Variants in CYSLTR1 observed in about 807,000 individuals in gnomAD.
CYSLTR1 encodes cysteinyl leukotriene receptor 1.
In CYSLTR1, 1 loss-of-function variant was observed where a neutral mutation model predicts 2.1. The observed-to-expected ratio is 0.48, with a 90% CI of 0.17 to 2.28. CYSLTR1 has a LOEUF of 2.28. CYSLTR1 is among the 30% of genes most tolerant of loss of function. CYSLTR1 has a pLI of 0.26. For missense variants in CYSLTR1, 299 were observed against 250.1 expected (o/e 1.20, Z -1.32); for synonymous variants, 110 against 89.6 (o/e 1.23, Z -1.28).
At chrX:78,288,359 G>T (rs190384122) in intron 1 of CYSLTR1, among the ~76,000 whole-genome samples, 20 of 112,215 alleles carry the variant, frequency 1.8e-4, no homozygotes, top group African/African-American at 6.5e-4. Context: ...CCCCAGACTG[G>T]TATCTTCTAC....
intron 2 of CYSLTR1, among the ~76,000 whole-genome samples, chrX:78,281,925 C>T (rs1010890726): frequency 1.7e-4 from 19 of 111,907 alleles, no homozygotes; most frequent in African/African-American, 4.9e-4. Context: ...TTTAGAATGC[C>T]TTCAGAATAA....
intron 2 of CYSLTR1, 127 bp from the exon 3 acceptor site, chrX:78,273,900 T>C: frequency 1.8e-6 from 1 of 546,512 alleles, no homozygotes; most frequent in Non-Finnish European, 2.8e-6. Context: ...TAGTGAGGCA[T>C]TGAGGAGGGA....
chrX:78,319,196 G>A (rs1923540526), intron 1 of CYSLTR1: 1 of 108,151 alleles, frequency 9.2e-6, no homozygotes, highest in Admixed American at 9.9e-5. Flanking sequence ...CATGTGCCAT[G>A]TTGGTGTGCT....
At chrX:78,301,679 C>T (rs1395758201) in intron 1 of CYSLTR1, among the ~76,000 whole-genome samples, 2 of 111,926 alleles carry the variant, frequency 1.8e-5, no homozygotes, top group Admixed American at 1.9e-4. Flanking sequence ...CTTTCTTCTT[C>T]TGAGCCCTCC....
chrX:78,309,740 T>C (rs1049788827), intron 1 of CYSLTR1, among the ~76,000 whole-genome samples: 6 of 111,981 alleles, frequency 5.4e-5, no homozygotes, highest in African/African-American at 1.6e-4. Flanking sequence ...TTTTATAGAA[T>C]GTTAGAGATG....
At chrX:78,283,228 G>A (rs1921911035) in intron 2 of CYSLTR1, among the ~76,000 whole-genome samples, 1 of 111,952 alleles carries the variant, frequency 8.9e-6, no homozygotes, top group Non-Finnish European at 1.9e-5. Flanking sequence ...CTGCCTTCAA[G>A]CAGCTCATTT....
intron 1 of CYSLTR1, chrX:78,319,357 A>G (rs1436381311): frequency 9.8e-6 from 1 of 102,521 alleles, no homozygotes; most frequent in African/African-American, 3.6e-5. Context: ...GAGTGAGAAC[A>G]TGCAGTGTTT....
At chrX:78,315,254 G>T (rs754220747) in intron 1 of CYSLTR1, among the ~76,000 whole-genome samples, 67 of 109,588 alleles carry the variant, frequency 6.1e-4, no homozygotes, top group Admixed American at 2.3e-3. Context: ...TGAATAAACA[G>T]AAATGATATC....
chrX:78,292,910 T>C (rs1489998812), intron 1 of CYSLTR1, among the ~76,000 whole-genome samples: 2 of 110,268 alleles, frequency 1.8e-5, no homozygotes, highest in African/African-American at 3.3e-5. Context: ...AGCATACTGA[T>C]GGGTCTTGAC....
chrX:78,310,489 T>G, intron 1 of CYSLTR1, among the ~76,000 whole-genome samples: 1 of 112,365 alleles, frequency 8.9e-6, no homozygotes, highest in South Asian at 3.6e-4. Flanking sequence ...TTAAAGGAGA[T>G]GGATTAGCCA....
In CYSLTR1 at chrX:78,298,940, TTCTTC is replaced by T. The variant is rs771949282; in HGVS notation, c.-114-15405_-114-15401del. Among the ~76,000 whole-genome samples the T allele has an allele frequency of 6.3e-5, 7 of 111,213 alleles. No individual in the cohort carries two copies. The East Asian group carries it at 1.7e-3, about 27-fold the overall frequency. On this transcript the variant is annotated intron_variant, in intron 1 of 2. Coordinates refer to ENST00000373304, the MANE Select transcript of CYSLTR1 (RefSeq NM_006639.4). ...TTATTTGTTTTCTGGTTGTTTTATA[TTCTTC>T]TCTTCCTTCTTTTTTTCTTCCCATT... is the stretch of plus-strand genomic sequence containing the variant.
In CYSLTR1 at chrX:78,317,478, G is replaced by A. The variant is rs192920576; in HGVS notation, c.-115+9827C>T. The stretch of plus-strand genomic sequence containing the variant: ...ATTTGATCCAGCAATACTACTATTG[G>A]GTTTCTACCCAAAGGAAAAGAAGTC... On this transcript the variant is annotated intron_variant, in intron 1 of 2. Transcript: ENST00000373304. Among the ~76,000 whole-genome samples, 3 of 112,066 alleles carry A rather than the reference G, an allele frequency of 2.7e-5. No individual in the cohort carries two copies. The East Asian group carries it at 8.4e-4, about 31-fold the overall frequency.
intron 1 of CYSLTR1, among the ~76,000 whole-genome samples, chrX:78,311,099 AAT>A (rs1257590321): frequency 9.0e-6 from 1 of 110,837 alleles, no homozygotes; most frequent in African/African-American, 3.3e-5. Flanking sequence ...TAGAGCTGTA[AAT>A]ATAGAGGTTG....
chrX:78,282,768 A>G (rs1454969605), intron 2 of CYSLTR1, among the ~76,000 whole-genome samples: 1 of 111,812 alleles, frequency 8.9e-6, no homozygotes, highest in Non-Finnish European at 1.9e-5. Context: ...TATCATTGAT[A>G]TAGACTAATC....
intron 1 of CYSLTR1, among the ~76,000 whole-genome samples, chrX:78,288,725 T>A (rs985921486): frequency 1.8e-5 from 2 of 111,799 alleles, no homozygotes; most frequent in Admixed American, 1.9e-4. Context: ...CCAATTTTAC[T>A]CTTTTAGTTA....
chrX:78,327,478 C>A lies in CYSLTR1; in HGVS notation c.-288G>T, dbSNP rs1022116833. ...AAAGCACAGTCCATTCACAGAGTGC[C>A]TGCTCTATAGGCAAGCTTCTTTGCA... On this transcript the variant is annotated 5_prime_UTR_variant, in exon 1 of 3. In the 5' UTR this introduces an upstream ATG that the reference lacks. Coordinates refer to ENST00000373304, the MANE Select transcript of CYSLTR1 (RefSeq NM_006639.4). 4.5e-5 allele frequency: 5 copies of A among 112,152 alleles called. No individual in the cohort carries two copies. The East Asian group carries it at 1.4e-3, about 31-fold the overall frequency. The allele number at this position is 112,152 out of a possible 1,213,427, so 9.2% of individuals were successfully genotyped here.
intron 1 of CYSLTR1, among the ~76,000 whole-genome samples, chrX:78,310,683 T>C (rs1923184850): frequency 9.0e-6 from 1 of 111,573 alleles, no homozygotes; most frequent in Admixed American, 9.6e-5. Flanking sequence ...AATGGGTGCA[T>C]GTATTTGTAG....
chrX:78,293,579 A>G (rs1261655322), intron 1 of CYSLTR1, among the ~76,000 whole-genome samples: 1 of 111,740 alleles, frequency 8.9e-6, no homozygotes, highest in East Asian at 2.8e-4. Context: ...GTGTTTTCCA[A>G]CTTGGTTCCA....
intron 1 of CYSLTR1, among the ~76,000 whole-genome samples, chrX:78,294,307 T>C (rs1448727785): frequency 8.9e-6 from 1 of 112,610 alleles, no homozygotes; most frequent in Non-Finnish European, 1.9e-5. Flanking sequence ...ACAGCAAATA[T>C]TGCAGAACAG....
Sources: allele counts gnomAD v4.1 joint callset (sites outside exome capture counted in the v4.1 genomes callset), GRCh38; gene constraint gnomAD v4.1.1; transcripts MANE v1.5; gene names NCBI Gene and HGNC (gene_info 2026-07-23, HGNC 2026-07-21).